The following USH2A variants were observed in gnomAD, a reference collection of about 807,000 sequenced individuals.
USH2A encodes Usher syndrome 2A (autosomal recessive, mild).
USH2A carries 443 observed loss-of-function variants against 538.9 expected under a neutral mutation model. The observed-to-expected ratio is 0.82, with a 90% CI of 0.76 to 0.89. USH2A has a LOEUF of 0.89. Ranked by LOEUF, USH2A falls within the 40% of genes least tolerant of loss-of-function variation. The pLI, the probability that USH2A is intolerant of heterozygous loss-of-function variation, is 0.00. For missense variants in USH2A, 6,633 were observed against 6,324.8 expected, an observed-to-expected ratio of 1.05 and a Z score of -1.65; for synonymous variants, 2,413 against 2,273.5, an observed-to-expected ratio of 1.06 and a Z score of -1.75.
intron 3 of USH2A, among the ~76,000 whole-genome samples, chr1:216,374,578 C>T (rs1011985195): frequency 3.3e-5 from 5 of 152,028 alleles, no homozygotes; most frequent in South Asian, 2.1e-4. Context: ...AAACATTTTG[C>T]GAGCAGATAC....
In USH2A at chr1:215,853,133, C is replaced by T. The variant is rs145021949; in HGVS notation, c.8846-7100G>A. ...CTGCAGCAAACTTCTATCTGGATAT[C>T]CAGGTGTTTCCATACATACTTTAAA... On this transcript the variant is annotated intron_variant, in intron 44 of 71. Coordinates refer to ENST00000307340, the MANE Select transcript of USH2A (RefSeq NM_206933.4). 4.3e-3 allele frequency among the ~76,000 whole-genome samples: 659 copies of T among 152,328 alleles called. 24 individuals are homozygous for T. Among genetic ancestry groups the T allele is most frequent in the Admixed American group, 0.038 (587 of 15,304 alleles).
At chr1:216,160,027 T>C (rs959539462) in intron 21 of USH2A, among the ~76,000 whole-genome samples, 3 of 151,968 alleles carry the variant, frequency 2.0e-5, no homozygotes, top group Non-Finnish European at 4.4e-5. Context: ...TCCCTGAGAG[T>C]AGTAATCTGT....
At chr1:215,958,133 A>G (rs1282776423) in intron 37 of USH2A, among the ~76,000 whole-genome samples, 1 of 146,262 alleles carries the variant, frequency 6.8e-6, no homozygotes, top group Non-Finnish European at 1.5e-5. Context: ...ACGCTTCTGT[A>G]TATTTTTTTT....
At chr1:216,292,509 T>C (rs1351056992) in intron 9 of USH2A, 139 bp from the exon 10 acceptor site, 1 of 972,082 alleles carries the variant, frequency 1.0e-6, no homozygotes, top group African/African-American at 1.6e-5. Context: ...TTGAAAAATA[T>C]TTCGTAAGTC....
Position 216,240,278 on chromosome 1 carries a change from A to G in USH2A, c.2809+6307T>C, listed in dbSNP as rs148105552. ...CAGTAAGCTTTTCCTTTAGAAGTTA[A>G]ACTAAAGAAAGTCTGGACTCAACAA... On this transcript the variant is annotated intron_variant, in intron 13 of 71. Transcript: ENST00000307340. Among the ~76,000 whole-genome samples the G allele has an allele frequency of 2.0e-5, 3 of 152,314 alleles. No homozygotes were observed. In the East Asian group the frequency reaches 5.8e-4, roughly 29 times the overall value.
chr1:215,678,887 A>T (rs1376456454), intron 62 of USH2A, among the ~76,000 whole-genome samples: 1 of 152,216 alleles, frequency 6.6e-6, no homozygotes, highest in African/African-American at 2.4e-5. Flanking sequence ...CAATATTCTT[A>T]TTGTCAATTA....
chr1:216,014,702 T>C (rs183441850), intron 32 of USH2A, among the ~76,000 whole-genome samples: 82 of 152,324 alleles, frequency 5.4e-4, no homozygotes, highest in African/African-American at 1.9e-3. Context: ...CACTCTAATA[T>C]GCATTAGAAA....
intron 43 of USH2A, among the ~76,000 whole-genome samples, chr1:215,873,731 T>C (rs1664680850): frequency 6.6e-6 from 1 of 151,740 alleles, no homozygotes; most frequent in Admixed American, 6.6e-5. Flanking sequence ...TTGAATGTTT[T>C]AATTTAAATG....
At chr1:216,143,291 A>T (rs1214873000) in intron 21 of USH2A, among the ~76,000 whole-genome samples, 4 of 152,176 alleles carry the variant, frequency 2.6e-5, no homozygotes, top group Non-Finnish European at 5.9e-5. Flanking sequence ...ACAGCATCAT[A>T]CTATTGACTT....
intron 67 of USH2A, among the ~76,000 whole-genome samples, chr1:215,640,992 A>T (rs932520074): frequency 6.6e-6 from 1 of 152,186 alleles, no homozygotes; most frequent in Non-Finnish European, 1.5e-5. Flanking sequence ...CTGCTTTAAA[A>T]AAAATCGATA....
chr1:215,847,163 A>G (rs1039462065), intron 44 of USH2A, among the ~76,000 whole-genome samples: 1 of 152,146 alleles, frequency 6.6e-6, no homozygotes, highest in Non-Finnish European at 1.5e-5. Context: ...GCTTCTCATT[A>G]TCTGCCCACA....
intron 37 of USH2A, among the ~76,000 whole-genome samples, chr1:215,954,728 AAC>A (rs940163397): frequency 5.3e-5 from 8 of 152,058 alleles, no homozygotes; most frequent in East Asian, 3.9e-4. Flanking sequence ...AATAAAAAAA[AAC>A]AATTGAAAAT....
chr1:215,790,849 A>G (rs1296177497), intron 50 of USH2A, among the ~76,000 whole-genome samples: 1 of 152,136 alleles, frequency 6.6e-6, no homozygotes, highest in African/African-American at 2.4e-5. Flanking sequence ...TCTGCATGAG[A>G]TGGATTTGGT....
chr1:216,311,862 C>A (rs1348963127), intron 9 of USH2A, among the ~76,000 whole-genome samples: 3 of 152,140 alleles, frequency 2.0e-5, no homozygotes, highest in Non-Finnish European at 2.9e-5. Context: ...TTGTTGCTAT[C>A]ATTCATTTCA....
intron 32 of USH2A, among the ~76,000 whole-genome samples, chr1:216,012,572 G>C (rs4509554): frequency 0.015 from 2,227 of 152,148 alleles, 48 homozygotes; most frequent in African/African-American, 0.051. Flanking sequence ...TAACAGACCA[G>C]CCTTTATTAG....
intron 21 of USH2A, among the ~76,000 whole-genome samples, chr1:216,122,391 T>C (rs191012948): frequency 6.6e-6 from 1 of 152,156 alleles, no homozygotes; most frequent in Admixed American, 6.5e-5. Context: ...AGCATAACAA[T>C]AGGTGAAACT....
chr1:216,080,862 A>C (rs1295169276), intron 26 of USH2A, among the ~76,000 whole-genome samples: 2 of 151,684 alleles, frequency 1.3e-5, no homozygotes, highest in Non-Finnish European at 2.9e-5. Context: ...AAATACGGTC[A>C]AGTTGATAGA....
rs192293892 is a variant in USH2A at position 216,372,398 on chromosome 1, T to C, written c.652-7313A>G. On this transcript the variant is annotated intron_variant, in intron 3 of 71. Transcript: ENST00000307340. ...AACTCAGACAAGCCAAGCCAGGCTC[T>C]TGAAGCAATCTACAGAAAAAGCCTA... Among the ~76,000 whole-genome samples the C allele has an allele frequency of 2.7e-3, 405 of 152,274 alleles. 2 individuals are homozygous for C. The highest frequency in any genetic ancestry group is 1.3e-3 in the Non-Finnish European group (86 of 68,008).
chr1:215,803,084 G>A (rs181831232), intron 49 of USH2A, among the ~76,000 whole-genome samples: 103 of 152,030 alleles, frequency 6.8e-4, no homozygotes, highest in Admixed American at 6.7e-3. Context: ...ATTCAACAAC[G>A]CTTCATGCTA....
Sources: gnomAD v4.1 joint callset for allele counts (sites outside exome capture counted in the v4.1 genomes callset) on GRCh38, gnomAD v4.1.1 for gene constraint, MANE v1.5 for transcripts, NCBI Gene and HGNC (gene_info 2026-07-23, HGNC 2026-07-21) for gene names.